CSMD3: variants seen among roughly 807,000 people sequenced by gnomAD.
The protein encoded by CSMD3 is CUB and Sushi multiple domains 3.
In CSMD3, 177 loss-of-function variants were observed where a neutral mutation model predicts 435.2. The observed-to-expected ratio is 0.41, with a 90% CI of 0.36 to 0.46. The LOEUF is 0.46. Ranked by LOEUF, CSMD3 falls within the 20% of genes least tolerant of loss-of-function variation. CSMD3 has a pLI of 0.34. For synonymous variants in CSMD3, 1,656 were observed against 1,520.5 expected, an observed-to-expected ratio of 1.09 and a Z score of -2.07; for missense variants, 4,265 against 4,504.6, an observed-to-expected ratio of 0.95 and a Z score of 1.52.
At chr8:113,273,972 G>C (rs973196619) in intron 3 of CSMD3, among the ~76,000 whole-genome samples, 1 of 151,986 alleles carries the variant, frequency 6.6e-6, no homozygotes, top group Non-Finnish European at 1.5e-5. Flanking sequence ...ATAAGTGAAA[G>C]TAACAGGTTT....
At chr8:113,112,405 A>G (rs1044870969) in intron 4 of CSMD3, among the ~76,000 whole-genome samples, 7 of 4,088 alleles carry the variant, frequency 1.7e-3, no homozygotes, top group Non-Finnish European at 2.5e-3. Context: ...ATATATATAT[A>G]TATATATATA....
chr8:113,081,543 T>C (rs1249484470), intron 5 of CSMD3, among the ~76,000 whole-genome samples: 1 of 151,940 alleles, frequency 6.6e-6, no homozygotes. Context: ...GTATAGGGAG[T>C]TACCTGGAGT....
intron 35 of CSMD3, among the ~76,000 whole-genome samples, chr8:112,400,886 C>A (rs1250441583): frequency 6.6e-6 from 1 of 152,128 alleles, no homozygotes; most frequent in East Asian, 1.9e-4. Flanking sequence ...TCTTCAGTTT[C>A]AGACACAAAT....
chr8:112,438,328 C>A (rs1814601141), intron 32 of CSMD3, among the ~76,000 whole-genome samples: 1 of 152,164 alleles, frequency 6.6e-6, no homozygotes, highest in African/African-American at 2.4e-5. Context: ...TGGTTATAAA[C>A]TCTAACATGT....
chr8:112,716,222 A>T (rs1227466826), intron 13 of CSMD3, among the ~76,000 whole-genome samples: 2 of 152,230 alleles, frequency 1.3e-5, no homozygotes, highest in Non-Finnish European at 2.9e-5. Context: ...GCACTTCAGC[A>T]AAGTCTCAGG....
chr8:112,545,114 C>T (rs1281706701), intron 27 of CSMD3, among the ~76,000 whole-genome samples: 3 of 152,222 alleles, frequency 2.0e-5, no homozygotes, highest in Admixed American at 1.3e-4. Flanking sequence ...GGCAGTCTTA[C>T]GTATCATTCA....
chr8:112,603,068 G>C (rs1372554820), intron 22 of CSMD3, among the ~76,000 whole-genome samples: 1 of 152,164 alleles, frequency 6.6e-6, no homozygotes, highest in African/African-American at 2.4e-5. Context: ...AGTAGTAAAG[G>C]GCTTTTACCA....
chr8:112,635,741 T>C (rs891876563), intron 22 of CSMD3, among the ~76,000 whole-genome samples: 1 of 152,176 alleles, frequency 6.6e-6, no homozygotes, highest in African/African-American at 2.4e-5. Context: ...GCTTGATTTG[T>C]GGTTCCACAG....
At chr8:113,021,147 T>G (rs1260175978) in intron 5 of CSMD3, among the ~76,000 whole-genome samples, 4 of 152,230 alleles carry the variant, frequency 2.6e-5, no homozygotes, top group African/African-American at 9.6e-5. Context: ...CTATTTTCTC[T>G]TTTCATAGGG....
chr8:112,325,188 A>G, intron 45 of CSMD3, among the ~76,000 whole-genome samples: 1 of 152,122 alleles, frequency 6.6e-6, no homozygotes, highest in East Asian at 1.9e-4. Flanking sequence ...AAAAAATCAA[A>G]CCTGTCTACA....
intron 2 of CSMD3, among the ~76,000 whole-genome samples, chr8:113,279,294 C>G (rs1355738122): frequency 6.7e-6 from 1 of 148,180 alleles, no homozygotes; most frequent in Non-Finnish European, 1.5e-5. Context: ...AGAGCCAGGT[C>G]TAAGACTACA....
intron 35 of CSMD3, among the ~76,000 whole-genome samples, chr8:112,392,695 A>T (rs9649933): frequency 1.3e-5 from 2 of 151,144 alleles, no homozygotes; most frequent in Non-Finnish European, 2.9e-5. Flanking sequence ...ACATTAATCA[A>T]ATAAGTGGCC....
chr8:113,087,145 T>C (rs2089816313), intron 5 of CSMD3, among the ~76,000 whole-genome samples: 1 of 152,152 alleles, frequency 6.6e-6, no homozygotes, highest in African/African-American at 2.4e-5. Context: ...TTTCCTATGG[T>C]TGTTTTTGTC....
rs1025006378 is a variant in CSMD3 at position 112,425,234 on chromosome 8, T to C, written c.5396-16202A>G. 5.3e-5 allele frequency among the ~76,000 whole-genome samples: 8 copies of C among 152,106 alleles called. No individual in the cohort carries two copies. The East Asian group carries it at 1.5e-3, about 29-fold the overall frequency. On this transcript the variant is annotated intron_variant, in intron 32 of 70. Transcript: ENST00000297405. The stretch of plus-strand genomic sequence containing the variant: ...CATCCTGAAAAGCTTTGTGAAAGAG[T>C]CATGTGGCTAACTAATGTTTTGAAA...
chr8:112,825,107 A>T (rs1047301576), intron 12 of CSMD3, among the ~76,000 whole-genome samples: 2 of 152,134 alleles, frequency 1.3e-5, no homozygotes, highest in African/African-American at 2.4e-5. Flanking sequence ...GGCTATTGAT[A>T]CCTGTGTATG....
chr8:112,611,188 TA>T (rs1296175560), intron 22 of CSMD3, among the ~76,000 whole-genome samples: 10 of 152,326 alleles, frequency 6.6e-5, no homozygotes, highest in African/African-American at 2.2e-4. Context: ...ATGCCACGCA[TA>T]ATGCAGGTAA....
chr8:112,973,238 A>G (rs1017026449), intron 7 of CSMD3, among the ~76,000 whole-genome samples: 3 of 151,976 alleles, frequency 2.0e-5, no homozygotes, highest in African/African-American at 7.2e-5. Context: ...CATTTTAACT[A>G]TATTGTGGAT....
chr8:112,552,493 C>A, intron 26 of CSMD3, 101 bp downstream of exon 26: 2 of 1,254,014 alleles, frequency 1.6e-6, no homozygotes, highest in Non-Finnish European at 1.1e-6. Context: ...TCAAGAAAAA[C>A]AAACAAACAA....
chr8:112,412,010 C>A (rs1811403563), intron 32 of CSMD3, among the ~76,000 whole-genome samples: 1 of 151,984 alleles, frequency 6.6e-6, no homozygotes, highest in South Asian at 2.1e-4. Flanking sequence ...TGTCTCTATG[C>A]ATCTATTTGT....
Sources: allele counts gnomAD v4.1 joint callset (sites outside exome capture counted in the v4.1 genomes callset), GRCh38; gene constraint gnomAD v4.1.1; transcripts MANE v1.5; gene names NCBI Gene and HGNC (gene_info 2026-07-23, HGNC 2026-07-21).